WIPF3: variants seen among roughly 807,000 people sequenced by gnomAD.
The protein encoded by WIPF3 is WAS/WASL-interacting protein family member 3.
Under a neutral mutation model 38.9 loss-of-function variants are expected in WIPF3, and 33 were observed. That is an observed-to-expected ratio of 0.85 (90% CI 0.64 to 1.14). The LOEUF (loss-of-function observed/expected upper bound fraction) is 1.14. Among genes scored for constraint, WIPF3 ranks in the 50% most tolerant of loss-of-function variants. WIPF3 has a pLI of 0.00. For missense variants in WIPF3, 711 were observed against 652.5 expected (o/e 1.09, Z -0.98); for synonymous variants, 324 against 269.3 (o/e 1.20, Z -1.99).
intron 8 of WIPF3, among the ~76,000 whole-genome samples, chr7:29,912,825 G>T (rs1786528909): frequency 6.6e-6 from 1 of 152,174 alleles, no homozygotes; most frequent in South Asian, 2.1e-4. Context: ...ACTCACAAAA[G>T]ACAGACACCA....
intron 8 of WIPF3, among the ~76,000 whole-genome samples, chr7:29,910,978 ATC>A (rs773029557): frequency 7.2e-5 from 11 of 152,112 alleles, no homozygotes; most frequent in African/African-American, 2.2e-4. Context: ...AAGTAAAATT[ATC>A]TCTGTTTGCA....
At chr7:29,849,392 C>A (rs1359839498) in intron 2 of WIPF3, among the ~76,000 whole-genome samples, 1 of 152,158 alleles carries the variant, frequency 6.6e-6, no homozygotes, top group African/African-American at 2.4e-5. Flanking sequence ...TTTTGTGAAA[C>A]TGTTGCATTT....
rs76537568 is a variant in WIPF3, at chr7:29,899,541, G to A, written c.1352-4745G>A. Among the ~76,000 whole-genome samples the A allele has an allele frequency of 4.4e-3, 668 of 152,216 alleles. 6 individuals carry two copies. The highest frequency in any genetic ancestry group is 0.016 in the African/African-American group (650 of 41,530). On this transcript the variant is annotated intron_variant, in intron 7 of 8. Transcript: ENST00000242140. ...AGTGAGGCACACAGACACTCCTTAC[G>A]TATTTGTTGAATTAATAAATTAAAA...
chr7:29,816,511 T>C (rs1054924213), intron 1 of WIPF3, among the ~76,000 whole-genome samples: 7 of 152,014 alleles, frequency 4.6e-5, no homozygotes, highest in Admixed American at 1.3e-4. Context: ...TATTTTTTAG[T>C]AGAGATAGGG....
At chr7:29,870,393 C>T (rs1334619291) in intron 2 of WIPF3, among the ~76,000 whole-genome samples, 1 of 152,116 alleles carries the variant, frequency 6.6e-6, no homozygotes, top group Non-Finnish European at 1.5e-5. Flanking sequence ...TGATGAATGC[C>T]TGCTTAAGGC....
intron 1 of WIPF3, among the ~76,000 whole-genome samples, chr7:29,818,180 A>G (rs891547846): frequency 2.6e-5 from 4 of 152,150 alleles, no homozygotes; most frequent in Non-Finnish European, 5.9e-5. Flanking sequence ...GGCCAGGCAC[A>G]GTGGCTCAAG....
Position 29,888,107 on chromosome 7 carries a change from C to G in WIPF3, c.1139C>G (p.Pro380Arg). ...AAGCTAAATCCACCTCCAGCACCCC[C>G]TGCGAGATCACCTACCACAGAGCTT... The part of the protein sequence containing the change: ...GGKLNPPPAP[P>R]ARSPTTELSS... Residue 380 changes from proline (P) to arginine (R), a missense_variant, in exon 6 of 9, where the codon CCT (proline) becomes CGT (arginine). Physicochemically the swap from Pro to Arg is moderately radical, Grantham distance 103 (BLOSUM62 -2). Coordinates refer to ENST00000242140, the MANE Select transcript of WIPF3 (RefSeq NM_001080529.3). 3 of 1,613,976 alleles carry G rather than the reference C, an allele frequency of 1.9e-6. No homozygotes were observed. The highest frequency in any genetic ancestry group is 3.3e-5 in the Admixed American group (2 of 60,018).
At chr7:29,811,948 C>T (rs1182140596) in intron 1 of WIPF3, among the ~76,000 whole-genome samples, 1 of 152,190 alleles carries the variant, frequency 6.6e-6, no homozygotes, top group Non-Finnish European at 1.5e-5. Flanking sequence ...TCTTTAAGAA[C>T]TTTGGCTCTG....
chr7:29,912,973 G>A (rs1786531558), intron 8 of WIPF3, among the ~76,000 whole-genome samples: 1 of 152,170 alleles, frequency 6.6e-6, no homozygotes, highest in East Asian at 1.9e-4. Flanking sequence ...GATGAAAAGA[G>A]TTAAACAAAA....
intron 8 of WIPF3, among the ~76,000 whole-genome samples, chr7:29,911,396 T>C (rs1438892546): frequency 2.0e-5 from 3 of 151,990 alleles, no homozygotes; most frequent in South Asian, 4.1e-4. Flanking sequence ...TCTTCAGAAA[T>C]AGAAAAACCC....
At chr7:29,807,072 C>T (rs1784293172) in intron 1 of WIPF3, among the ~76,000 whole-genome samples, 1 of 152,116 alleles carries the variant, frequency 6.6e-6, no homozygotes, top group African/African-American at 2.4e-5. Flanking sequence ...TTCTCCGCTT[C>T]GCCCCCGGAA....
At chr7:29,907,501 T>G (rs10233938) in intron 8 of WIPF3, among the ~76,000 whole-genome samples, 4,846 of 152,316 alleles carry the variant, frequency 0.032, 98 homozygotes, top group Middle Eastern at 0.1. Flanking sequence ...TTTGTGTCCC[T>G]CAAAGTTCAT....
intron 4 of WIPF3, 42 bp downstream of exon 4, chr7:29,879,182 C>A: frequency 6.3e-7 from 1 of 1,587,672 alleles, no homozygotes; most frequent in South Asian, 1.1e-5. Context: ...GTCTGTATCT[C>A]CTTAACTTGT....
Position 29,878,891 on chromosome 7 carries a change from G to C in WIPF3, c.224-118G>C. 8.2e-7 allele frequency: 1 copy of C among 1,212,252 alleles called. No individual in the cohort carries two copies. The highest frequency in any genetic ancestry group is 1.5e-5 in the South Asian group (1 of 66,552). The allele number at this position is 1,212,252 out of a possible 1,614,324, so 75.1% of individuals were successfully genotyped here. ...AGTGAAAGGATGACATTGGAGGTGG[G>C]AGAATGGGAAGGCTGACAAGGGCAG... On this transcript the variant is annotated intron_variant, in intron 3 of 8. Transcript: ENST00000242140. The surrounding 1 kb of genome is among the most constrained non-coding windows in gnomAD (Gnocchi z 4.0).
intron 1 of WIPF3, among the ~76,000 whole-genome samples, chr7:29,808,775 G>T (rs1437999302): frequency 6.6e-6 from 1 of 151,944 alleles, no homozygotes; most frequent in African/African-American, 2.4e-5. Context: ...GTCTAGCCTG[G>T]CAACGCTCTT....
At chr7:29,853,253 G>A (rs762610364) in intron 2 of WIPF3, among the ~76,000 whole-genome samples, 3 of 152,202 alleles carry the variant, frequency 2.0e-5, no homozygotes, top group East Asian at 1.9e-4. Context: ...TCTTGCAGGG[G>A]TGTGCCTTCT....
rs1786609214 is a variant in WIPF3 at position 29,916,076 on chromosome 7, A to G, written c.*1560A>G. ...GCAGTGCTGTGCTTTCTCATTCCAG[A>G]TGGAAGCAAGTGAGCCAGGGTCAAA... On this transcript the variant is annotated 3_prime_UTR_variant, in exon 9 of 9. Coordinates refer to ENST00000242140, the MANE Select transcript of WIPF3 (RefSeq NM_001080529.3). 6.6e-6 allele frequency: 1 copy of G among 152,206 alleles called. No individual in the cohort carries two copies. The highest frequency in any genetic ancestry group is 2.4e-5 in the African/African-American group (1 of 41,446). 9.4% of individuals were successfully genotyped at this position (152,206 alleles called of 1,614,324 possible).
At chr7:29,889,473 A>C in intron 7 of WIPF3, 66 bp downstream of exon 7, 1 of 1,212,320 alleles carries the variant, frequency 8.2e-7, no homozygotes, top group Non-Finnish European at 1.2e-6. Flanking sequence ...CCCACTGTGC[A>C]TCAGTTGGTC....
chr7:29,810,284 C>G (rs1784351485), intron 1 of WIPF3, among the ~76,000 whole-genome samples: 1 of 152,172 alleles, frequency 6.6e-6, no homozygotes, highest in South Asian at 2.1e-4. Flanking sequence ...TCAACCCACT[C>G]ATAACCCCAA....
Sources: gnomAD v4.1 joint callset for allele counts (sites outside exome capture counted in the v4.1 genomes callset) on GRCh38, gnomAD v4.1.1 for gene constraint, Gnocchi (gnomAD v3.1) non-coding constraint, MANE v1.5 for transcripts, NCBI Gene and HGNC (gene_info 2026-07-23, HGNC 2026-07-21) for gene names.